Variants in GBGT1 observed in about 807,000 individuals in gnomAD.
The protein encoded by GBGT1 is globoside alpha-1,3-N-acetylgalactosaminyltransferase 1 (FORS blood group).
In GBGT1, 18 loss-of-function variants were observed where a neutral mutation model predicts 20.9. The observed-to-expected ratio is 0.86, with a 90% CI of 0.60 to 1.28. The LOEUF is 1.28. Ranked by LOEUF, GBGT1 falls within the 50% of genes most tolerant of loss-of-function variation. The probability of loss-of-function intolerance (pLI) is 0.00; values close to 1 mark genes in which losing one functional copy is unlikely to be tolerated. For missense variants in GBGT1, 432 were observed against 455.7 expected (o/e 0.95, Z 0.47); for synonymous variants, 168 against 180.8 (o/e 0.93, Z 0.57).
chr9:133,160,092 C>T, intron 3 of GBGT1: 1 of 260,620 alleles, frequency 3.8e-6, no homozygotes. Flanking sequence ...GGGGCAAAGA[C>T]CAACCTGGCC....
intron 3 of GBGT1, among the ~76,000 whole-genome samples, chr9:133,156,899 G>C (rs1042832351): frequency 3.3e-5 from 5 of 152,128 alleles, no homozygotes; most frequent in African/African-American, 1.2e-4. Flanking sequence ...TTGTAGATGT[G>C]ATTAACATTC....
In GBGT1 at chr9:133,155,187, G is replaced by T. The variant is rs777735404; in HGVS notation, c.350C>A (p.Ala117Asp). The T allele has an allele frequency of 3.7e-5, 60 of 1,613,698 alleles. No homozygotes were observed. The South Asian group carries it at 6.5e-4, about 17-fold the overall frequency. ...CCAGCCCACTACTCACTTCCCCACG[G>T]CAAACACCGTGACCCCAATGGTCAG... is the stretch of plus-strand genomic sequence containing the variant. ...LNLTIGVTVF[A>D]VGKYTHFIQS... is the part of the protein sequence containing the mutation. Residue 117 changes from alanine (A) to aspartate (D), a missense_variant, in exon 6 of 7, where the codon GCC (alanine) becomes GAC (aspartate). Coordinates refer to ENST00000372040, the MANE Select transcript of GBGT1 (RefSeq NM_021996.6).
rs7019946 is a variant in GBGT1 at position 133,154,400 on chromosome 9, C to T, written c.360-139G>A. On this transcript the variant is annotated intron_variant, in intron 6 of 6. Transcript: ENST00000372040. This position sits in a 1 kb window ranked among gnomAD's most constrained non-coding sequence, Gnocchi z 4.2. Reference sequence around the variant, plus strand: ...TCACTCTGCTCTGGCCCTCTGGGTCCTCATTTGTCCAATTCCCAAAATGCT... The same window carrying T: ...TCACTCTGCTCTGGCCCTCTGGGTCTTCATTTGTCCAATTCCCAAAATGCT... 4.6e-3 allele frequency: 2,310 copies of T among 498,832 alleles called. 41 individuals carry two copies. The highest frequency in any genetic ancestry group is 0.04 in the African/African-American group (2,072 of 52,212). 30.9% of individuals were successfully genotyped at this position (498,832 alleles called of 1,614,324 possible). A position where few individuals can be genotyped will look rare whatever the true frequency, so the allele number is the denominator to read the frequency against.
chr9:133,162,478 G>T lies in GBGT1; in HGVS notation c.-66C>A. The T allele has an allele frequency of 7.5e-7, 1 of 1,338,178 alleles. No individual in the cohort carries two copies. The highest frequency in any genetic ancestry group is 1.1e-6 in the Non-Finnish European group (1 of 949,110). The allele number at this position is 1,338,178 out of a possible 1,614,324, so 82.9% of individuals were successfully genotyped here. A position where few individuals can be genotyped will look rare whatever the true frequency, so the allele number is the denominator to read the frequency against. ...CCCACTGGCCTGGGCGGATGAGGCT[G>T]TCCCCTCGCAGGGATGTCAGGCTCT... On this transcript the variant is annotated 5_prime_UTR_variant, in exon 2 of 7. Transcript: ENST00000372040.
In GBGT1 at chr9:133,154,521, C is replaced by T; in HGVS notation, c.360-260G>A. On this transcript the variant is annotated intron_variant, in intron 6 of 6. Transcript: ENST00000372040. This position sits in a 1 kb window ranked among gnomAD's most constrained non-coding sequence, Gnocchi z 4.2. ...CTTTTACTGAGCAATTTCTAAGTGCCCAGCGACGTTCTAAGAATTCTTATG... is the reference window on the plus strand; with the variant it reads ...CTTTTACTGAGCAATTTCTAAGTGCTCAGCGACGTTCTAAGAATTCTTATG... 2.7e-6 allele frequency: 1 copy of T among 365,854 alleles called. No homozygotes were observed. Among genetic ancestry groups the T allele is most frequent in the Admixed American group, 4.2e-5 (1 of 24,022 alleles). 22.7% of individuals were successfully genotyped at this position (365,854 alleles called of 1,614,324 possible). A position where few individuals can be genotyped will look rare whatever the true frequency, so the allele number is the denominator to read the frequency against.
chr9:133,159,805 A>C (rs1424168365), intron 3 of GBGT1, among the ~76,000 whole-genome samples: 3 of 152,022 alleles, frequency 2.0e-5, no homozygotes, highest in Non-Finnish European at 4.4e-5. Context: ...TCCCTCCGCC[A>C]CGCACACACA....
Position 133,160,097 on chromosome 9 carries a change from C to T in GBGT1, c.137+1370G>A, listed in dbSNP as rs1246190835. On this transcript the variant is annotated intron_variant, in intron 3 of 6. Transcript: ENST00000372040. ...CTGGCCGAAGGGGGCAAAGACCAAC[C>T]TGGCCAACATGATGAAATGCTGTTT... 9 of 289,230 alleles carry T rather than the reference C, an allele frequency of 3.1e-5. No homozygotes were observed. The East Asian group carries it at 1.3e-3, about 41-fold the overall frequency. 17.9% of individuals were successfully genotyped at this position (289,230 alleles called of 1,614,324 possible). A position where few individuals can be genotyped will look rare whatever the true frequency, so the allele number is the denominator to read the frequency against.
chr9:133,163,085 C>G (rs1833104919), intron 1 of GBGT1: 1 of 153,004 alleles, frequency 6.5e-6, no homozygotes, highest in Admixed American at 6.5e-5. Context: ...CGTCTCCGTA[C>G]TAGGTCCATT....
rs1292072955 is a variant in GBGT1 at position 133,163,761 on chromosome 9, T to A, written c.-128A>T. Reference sequence around the variant, plus strand: ...TACGGGGTGCAGACTTACTCCTTGCTGCCGGCCCGGCGTTAGGACGGTTGG... The same window carrying A: ...TACGGGGTGCAGACTTACTCCTTGCAGCCGGCCCGGCGTTAGGACGGTTGG... On this transcript the variant is annotated 5_prime_UTR_variant, in exon 1 of 7. Coordinates refer to ENST00000372040, the MANE Select transcript of GBGT1 (RefSeq NM_021996.6). 2 of 152,406 alleles carry A rather than the reference T, an allele frequency of 1.3e-5. No individual in the cohort carries two copies. The highest frequency in any genetic ancestry group is 2.9e-5 in the Non-Finnish European group (2 of 68,190). 9.4% of individuals were successfully genotyped at this position (152,406 alleles called of 1,614,324 possible). A position where few individuals can be genotyped will look rare whatever the true frequency, so the allele number is the denominator to read the frequency against.
intron 2 of GBGT1, 118 bp downstream of exon 2, chr9:133,162,224 T>C: frequency 2.5e-6 from 1 of 407,160 alleles, no homozygotes; most frequent in Non-Finnish European, 4.3e-6. Flanking sequence ...TGGGTGGGGA[T>C]AGAGACAGGG....
chr9:133,161,748 C>T (rs1833051411), intron 2 of GBGT1, among the ~76,000 whole-genome samples: 1 of 152,148 alleles, frequency 6.6e-6, no homozygotes, highest in South Asian at 2.1e-4. Context: ...TTCATTCACC[C>T]ATAGAGTCAT....
At position 133,153,638 on chromosome 9, in the gene GBGT1, G is replaced by A. The variant is rs149989782; in HGVS notation, c.983C>T (p.Pro328Leu). The A allele has an allele frequency of 1.4e-5, 22 of 1,606,338 alleles. No homozygotes were observed. The highest frequency in any genetic ancestry group is 1.9e-5 in the Non-Finnish European group (22 of 1,175,998). Residue 328 changes from proline to leucine, a missense_variant, in exon 7 of 7, where the codon CCC becomes CTC. Pro to Leu is a moderately conservative substitution (Grantham distance 98, BLOSUM62 -3). Transcript: ENST00000372040. ...YLWDDRKPQP[P>L]SLKLIRFSTL... ...AGAAAAGCGGATCAGCTTCAGGCTG[G>A]GTGGCTGGGGCTTCCTGTCGTCCCA...
rs926998805 is a variant in GBGT1 at position 133,163,911 on chromosome 9, AGAG to A, written c.-281_-279del. On this transcript the variant is annotated 5_prime_UTR_variant, in exon 1 of 7. Transcript: ENST00000372040. Reference sequence around the variant, plus strand: ...AGCGGGGCCGCGGGCCAGACAGAAAAGAGGAAGACAGACAGGAAAGAGGACAGA... The same window carrying A: ...AGCGGGGCCGCGGGCCAGACAGAAAAGAAGACAGACAGGAAAGAGGACAGA... 6.6e-6 allele frequency: 1 copy of A among 152,504 alleles called. No homozygotes were observed. Among genetic ancestry groups the A allele is most frequent in the African/African-American group, 2.4e-5 (1 of 41,470 alleles). 9.4% of individuals were successfully genotyped at this position (152,504 alleles called of 1,614,324 possible).
In GBGT1 at chr9:133,162,451, C is replaced by T. The variant is rs764627761; in HGVS notation, c.-39G>A. On this transcript the variant is annotated 5_prime_UTR_variant, in exon 2 of 7. Coordinates refer to ENST00000372040, the MANE Select transcript of GBGT1 (RefSeq NM_021996.6). ...ACCTGAGCCTGGGCACTTGTAGAGA[C>T]CCCCACTGGCCTGGGCGGATGAGGC... 6.4e-5 allele frequency: 99 copies of T among 1,542,838 alleles called. No individual in the cohort carries two copies. Among genetic ancestry groups the T allele is most frequent in the Admixed American group, 5.3e-4 (28 of 52,864 alleles).
Position 133,154,296 on chromosome 9 carries a change from C to T in GBGT1, c.360-35G>A. The T allele has an allele frequency of 7.4e-7, 1 of 1,357,448 alleles. No individual in the cohort carries two copies. Among genetic ancestry groups the T allele is most frequent in the South Asian group, 1.4e-5 (1 of 70,094 alleles). 84.1% of individuals were successfully genotyped at this position (1,357,448 alleles called of 1,614,324 possible). ...ATCACCCGGTCACCCACTGCTACAC[C>T]AGCAGCCTGCCAGGGTCCCCACTGT... On this transcript the variant is annotated intron_variant, in intron 6 of 6. Transcript: ENST00000372040. The surrounding 1 kb of genome is among the most constrained non-coding windows in gnomAD (Gnocchi z 4.2).
chr9:133,159,052 C>T (rs1832958274), intron 3 of GBGT1, among the ~76,000 whole-genome samples: 1 of 152,040 alleles, frequency 6.6e-6, no homozygotes, highest in Non-Finnish European at 1.5e-5. Context: ...CCTTAGCCTC[C>T]TGGGATCAAG....
chr9:133,155,368 C>T (rs763203345), intron 5 of GBGT1, 56 bp from the exon 6 acceptor site: 1 of 1,604,172 alleles, frequency 6.2e-7, no homozygotes, highest in Non-Finnish European at 8.5e-7. Context: ...GCCTAAGTCT[C>T]ATCCCAGCCC....
intron 5 of GBGT1, 153 bp from the exon 6 acceptor site, chr9:133,155,465 C>T: frequency 2.4e-6 from 2 of 825,022 alleles, no homozygotes; most frequent in South Asian, 1.7e-5. Flanking sequence ...ATAATGATAG[C>T]CACCTCCCAG....
chr9:133,154,218 A>C lies in GBGT1; in HGVS notation c.403T>G (p.Phe135Val), dbSNP rs1358066023. 1.9e-6 allele frequency: 3 copies of C among 1,542,234 alleles called. No homozygotes were observed. The highest frequency in any genetic ancestry group is 2.3e-5 in the East Asian group (1 of 43,902). ...IQSFLESAEE[F>V]FMRGYRVHYY... Reference sequence around the variant, plus strand: ...TGCACCCGGTACCCACGCATGAAGAACTCCTCGGCTGACTCCAGGAAGGAC... The same window carrying C: ...TGCACCCGGTACCCACGCATGAAGACCTCCTCGGCTGACTCCAGGAAGGAC... Residue 135 changes from phenylalanine to valine, a missense_variant, in exon 7 of 7, where the codon TTC becomes GTC. Physicochemically the swap from Phe to Val is conservative, Grantham distance 50. Transcript: ENST00000372040. The surrounding 1 kb of genome is among the most constrained non-coding windows in gnomAD (Gnocchi z 4.2).
Sources: gnomAD v4.1 joint callset for allele counts (sites outside exome capture counted in the v4.1 genomes callset) on GRCh38, gnomAD v4.1.1 for gene constraint, Gnocchi (gnomAD v3.1) non-coding constraint, MANE v1.5 for transcripts, NCBI Gene and HGNC (gene_info 2026-07-23, HGNC 2026-07-21) for gene names.